The following NTRK3 variants were observed in gnomAD, a reference collection of about 807,000 sequenced individuals.
NTRK3 encodes the protein neurotrophic receptor tyrosine kinase 3.
NTRK3 carries 24 observed loss-of-function variants against 91.7 expected under a neutral mutation model. The ratio of observed to expected loss-of-function variants is 0.26; its 90% CI spans 0.19 to 0.37. NTRK3 has a LOEUF of 0.37. Ranked by LOEUF, NTRK3 falls within the 10% of genes least tolerant of loss-of-function variation. NTRK3 has a pLI of 1.00. For synonymous variants in NTRK3, 483 were observed against 404.0 expected, an observed-to-expected ratio of 1.20 and a Z score of -2.34; for missense variants, 880 against 1,068.9, an observed-to-expected ratio of 0.82 and a Z score of 2.46.
intron 17 of NTRK3, among the ~76,000 whole-genome samples, chr15:87,917,194 G>A (rs2067508060): frequency 6.6e-6 from 1 of 152,152 alleles, no homozygotes; most frequent in African/African-American, 2.4e-5. Flanking sequence ...GTAGCAGGTA[G>A]GATTCTCGCT....
At chr15:88,004,035 C>G (rs1033495534) in intron 14 of NTRK3, among the ~76,000 whole-genome samples, 2 of 152,146 alleles carry the variant, frequency 1.3e-5, no homozygotes, top group African/African-American at 4.8e-5. Flanking sequence ...CTCTCTTGGT[C>G]TAACTGGCTT....
chr15:87,904,364 G>A (rs1346156260), intron 17 of NTRK3, among the ~76,000 whole-genome samples: 3 of 151,310 alleles, frequency 2.0e-5, no homozygotes. Flanking sequence ...CACCATGTTG[G>A]ACAAGATGGT....
rs149625169 is a variant in NTRK3, at chr15:88,144,486, C to T, written c.464+2849G>A. Among the ~76,000 whole-genome samples, 590 of 152,094 alleles carry T rather than the reference C, an allele frequency of 3.9e-3. 2 individuals are homozygous for T. The highest frequency in any genetic ancestry group is 4.4e-3 in the Non-Finnish European group (302 of 68,008). Reference sequence around the variant, plus strand: ...TTCCTTTGATTCCACTCAAGGGACCCGACATCTTGAGAGGGGCTTCTGGAA... The same window carrying T: ...TTCCTTTGATTCCACTCAAGGGACCTGACATCTTGAGAGGGGCTTCTGGAA... On this transcript the variant is annotated intron_variant, in intron 6 of 18. Coordinates refer to ENST00000394480, the Ensembl canonical transcript of NTRK3.
intron 13 of NTRK3, among the ~76,000 whole-genome samples, chr15:88,080,024 C>T (rs982268412): frequency 6.6e-6 from 1 of 152,108 alleles, no homozygotes; most frequent in African/African-American, 2.4e-5. Flanking sequence ...CATGTCTTTA[C>T]ATATTGTTCT....
intron 13 of NTRK3, among the ~76,000 whole-genome samples, chr15:88,079,746 TA>T (rs2047879931): frequency 6.6e-6 from 1 of 152,084 alleles, no homozygotes; most frequent in Non-Finnish European, 1.5e-5. Context: ...ACATTATGAA[TA>T]AAAAATGGGA....
chr15:88,183,457 T>C, exon 5 of NTRK3: 2 of 1,614,122 alleles, frequency 1.2e-6, no homozygotes, highest in Non-Finnish European at 1.7e-6. Flanking sequence ...GGCTCTGGGC[T>C]GAATGCTCCG....
chr15:87,962,748 C>T (rs1194635606), intron 14 of NTRK3, among the ~76,000 whole-genome samples: 1 of 152,202 alleles, frequency 6.6e-6, no homozygotes, highest in East Asian at 1.9e-4. Flanking sequence ...AGGACGCCGC[C>T]TGCTTAAAGG....
At chr15:87,967,618 C>T (rs2072901932) in intron 14 of NTRK3, among the ~76,000 whole-genome samples, 1 of 152,192 alleles carries the variant, frequency 6.6e-6, no homozygotes, top group Non-Finnish European at 1.5e-5. Context: ...TTCATGCCTC[C>T]TGCTCTCACC....
chr15:88,240,885 A>G lies in NTRK3; in HGVS notation c.248+15021T>C, dbSNP rs1305324788. The stretch of plus-strand genomic sequence containing the variant: ...CTAAGGGCAAAGCCCGAGGCCCACA[A>G]AGGTGTGGAGAGCAATGAGAATGGT... On this transcript the variant is annotated intron_variant, in intron 3 of 18. Transcript: ENST00000394480. This position sits in a 1 kb window ranked among gnomAD's most constrained non-coding sequence, Gnocchi z 4.9. Among the ~76,000 whole-genome samples the G allele has an allele frequency of 2.0e-5, 3 of 152,322 alleles. No individual in the cohort carries two copies. Among genetic ancestry groups the G allele is most frequent in the Middle Eastern group, 3.4e-3 (1 of 294 alleles).
chr15:88,126,363 G>A (rs370373691), exon 13 of NTRK3: 1 of 1,612,592 alleles, frequency 6.2e-7, no homozygotes, highest in African/African-American at 1.3e-5. Context: ...AAGTCCAACT[G>A]CTATGGATAC....
chr15:88,128,785 C>G (rs1483076740), intron 10 of NTRK3, 51 bp from the exon 11 acceptor site: 1 of 1,511,166 alleles, frequency 6.6e-7, no homozygotes, highest in African/African-American at 1.4e-5. Context: ...AAAACCAGAA[C>G]AGACACACTA....
chr15:87,871,220 T>C (rs369132815), exon 19 of NTRK3: 2 of 231,336 alleles, frequency 8.6e-6, no homozygotes, highest in East Asian at 1.2e-4. Context: ...ACAGTTCTTG[T>C]TGCAAACTAT....
intron 13 of NTRK3, among the ~76,000 whole-genome samples, chr15:88,096,917 T>G (rs1390906301): frequency 1.3e-5 from 2 of 152,230 alleles, no homozygotes; most frequent in African/African-American, 4.8e-5. Flanking sequence ...CATCAAGTCC[T>G]TATCTCAGAG....
At chr15:88,140,624 A>G (rs2042298284) in intron 6 of NTRK3, among the ~76,000 whole-genome samples, 1 of 152,272 alleles carries the variant, frequency 6.6e-6, no homozygotes, top group African/African-American at 2.4e-5. Flanking sequence ...TCCAGAATAC[A>G]TTAGCACAAA....
chr15:87,979,525 C>A, intron 14 of NTRK3: 1 of 1,135,912 alleles, frequency 8.8e-7, no homozygotes, highest in Non-Finnish European at 1.3e-6. Flanking sequence ...ACCAAAACCC[C>A]CAAAGAAGAT....
chr15:88,037,896 C>G (rs1460352856), intron 13 of NTRK3, among the ~76,000 whole-genome samples: 1 of 152,180 alleles, frequency 6.6e-6, no homozygotes, highest in Non-Finnish European at 1.5e-5. Flanking sequence ...CATTACAGCA[C>G]AGAGCAGTGA....
intron 5 of NTRK3, among the ~76,000 whole-genome samples, chr15:88,182,221 A>G (rs1169591360): frequency 6.6e-6 from 1 of 152,204 alleles, no homozygotes; most frequent in Non-Finnish European, 1.5e-5. Flanking sequence ...AGAGGTGGCC[A>G]TACTGATAAA....
At chr15:88,250,335 T>G (rs1305675468) in intron 3 of NTRK3, among the ~76,000 whole-genome samples, 4 of 152,234 alleles carry the variant, frequency 2.6e-5, no homozygotes, top group African/African-American at 9.6e-5. Context: ...TTTATTTTGT[T>G]TTCTTGATCT....
chr15:88,069,513 G>A (rs2046931121), intron 13 of NTRK3, among the ~76,000 whole-genome samples: 1 of 152,184 alleles, frequency 6.6e-6, no homozygotes, highest in Non-Finnish European at 1.5e-5. Context: ...GAGCCTGGGT[G>A]TAGGCAGAGC....
Sources: allele counts gnomAD v4.1 joint callset (sites outside exome capture counted in the v4.1 genomes callset), GRCh38; gene constraint gnomAD v4.1.1; non-coding constraint Gnocchi (gnomAD v3.1); transcripts MANE v1.5; gene names NCBI Gene and HGNC (gene_info 2026-07-23, HGNC 2026-07-21).